CLIP1: variants seen among roughly 807,000 people sequenced by gnomAD.
CLIP1 encodes the protein CAP-Gly domain containing linker protein 1, also known as CAP-Gly domain-containing linker protein 1.
CLIP1 carries 66 observed loss-of-function variants against 161.6 expected under a neutral mutation model. The observed-to-expected ratio is 0.41, with a 90% CI of 0.33 to 0.50. The LOEUF (loss-of-function observed/expected upper bound fraction) is 0.50, where lower values mean the gene tolerates loss of function less well. Ranked by LOEUF, CLIP1 falls within the 20% of genes least tolerant of loss-of-function variation. The pLI is 0.27. For synonymous variants in CLIP1, 598 were observed against 626.2 expected, an observed-to-expected ratio of 0.96 and a Z score of 0.67; for missense variants, 1,376 against 1,702.0, an observed-to-expected ratio of 0.81 and a Z score of 3.37.
chr12:122,351,132 C>G lies in CLIP1; in HGVS notation c.1380G>C (p.Gln460His), dbSNP rs866974585. The G allele has an allele frequency of 2.0e-6, 3 of 1,515,668 alleles. No individual in the cohort carries two copies. Among genetic ancestry groups the G allele is most frequent in the African/African-American group, 1.4e-5 (1 of 71,964 alleles). The allele number at this position is 1,515,668 out of a possible 1,614,324, so 93.9% of individuals were successfully genotyped here. A position where few individuals can be genotyped will look rare whatever the true frequency, so the allele number is the denominator to read the frequency against. Residue 460 changes from glutamine to histidine, a missense_variant, in exon 9 of 26, where the codon CAG (glutamine) becomes CAC (histidine). Gln to His is a conservative substitution (Grantham distance 24). This residue lies in a region of CLIP1 where 948 missense variants were observed against 1,134.8 expected (regional missense o/e 0.84). Transcript: ENST00000620786. ...ITKGDLEQKS[Q>H]ISEDPENTQT... ...TTACATTCTCAGGATCTTCAGAAAT[C>G]TGGCTCTTTTGCTATCAGTAAAAAA...
chr12:122,339,482 C>T (rs1009907413), intron 11 of CLIP1, among the ~76,000 whole-genome samples: 54 of 152,104 alleles, frequency 3.6e-4, no homozygotes, highest in Admixed American at 2.7e-3. Flanking sequence ...GGACTACAGA[C>T]GCACACCACC....
intron 1 of CLIP1, among the ~76,000 whole-genome samples, chr12:122,390,169 T>G (rs1955534135): frequency 4.1e-5 from 1 of 24,632 alleles, no homozygotes; most frequent in African/African-American, 1.1e-4. Flanking sequence ...TTACACAGTC[T>G]CAGATATATA....
intron 20 of CLIP1, among the ~76,000 whole-genome samples, chr12:122,301,410 C>T (rs1950673071): frequency 6.6e-6 from 1 of 152,192 alleles, no homozygotes; most frequent in African/African-American, 2.4e-5. Context: ...GCGGCTCATG[C>T]CTATAATCCC....
At chr12:122,314,234 T>G (rs1381719661) in intron 19 of CLIP1, among the ~76,000 whole-genome samples, 1 of 141,358 alleles carries the variant, frequency 7.1e-6, no homozygotes, top group East Asian at 2.0e-4. Flanking sequence ...GAGGTTGCAG[T>G]GAGCCGAGAC....
chr12:122,351,139 T>C lies in CLIP1; in HGVS notation c.1373A>G (p.Lys458Arg). Residue 458 changes from lysine to arginine, a missense_variant, in exon 9 of 26, where the codon AAG (lysine) becomes AGG (arginine). By Grantham distance (26) the Lys-to-Arg change is conservative. This residue lies in a region of CLIP1 where 948 missense variants were observed against 1,134.8 expected (regional missense o/e 0.84). Coordinates refer to ENST00000620786, the MANE Select transcript of CLIP1 (RefSeq NM_001247997.2). ...CTCAGGATCTTCAGAAATCTGGCTC[T>C]TTTGCTATCAGTAAAAAAATAAAAA... ...ESITKGDLEQ[K>R]SQISEDPENT... is the part of the protein sequence containing the mutation. 6.7e-7 allele frequency: 1 copy of C among 1,503,408 alleles called. No individual in the cohort carries two copies. The highest frequency in any genetic ancestry group is 2.3e-5 in the East Asian group (1 of 43,236). 93.1% of individuals were successfully genotyped at this position (1,503,408 alleles called of 1,614,324 possible). A position where few individuals can be genotyped will look rare whatever the true frequency, so the allele number is the denominator to read the frequency against.
In CLIP1 at chr12:122,341,702, T is replaced by TAAC. The variant is rs765132167; in HGVS notation, c.1507-8_1507-6dup. The TAAC allele has an allele frequency of 7.0e-7, 1 of 1,434,500 alleles. No homozygotes were observed. Among genetic ancestry groups the TAAC allele is most frequent in the Admixed American group, 2.2e-5 (1 of 44,804 alleles). 88.9% of individuals were successfully genotyped at this position (1,434,500 alleles called of 1,614,324 possible). ...CTTTTCTGAAACTGTAGCCACCTAT[T>TAAC]AACAGCAGTCCAAAGAAAAAAAGAT... On this transcript the variant is annotated splice_region_variant and splice_polypyrimidine_tract_variant and intron_variant, in intron 10 of 25. Transcript: ENST00000620786.
intron 11 of CLIP1, among the ~76,000 whole-genome samples, chr12:122,337,533 C>T (rs1952287800): frequency 6.6e-6 from 1 of 151,790 alleles, no homozygotes; most frequent in South Asian, 2.1e-4. Context: ...AAGCAATCCT[C>T]TTATTTTGGA....
At chr12:122,273,562 C>A (rs961221389) in intron 25 of CLIP1, among the ~76,000 whole-genome samples, 3 of 151,640 alleles carry the variant, frequency 2.0e-5, no homozygotes, top group Non-Finnish European at 2.9e-5. Context: ...CATTTAAAAT[C>A]TTCATGTCAA....
intron 24 of CLIP1, chr12:122,277,888 T>TA (rs942968914): frequency 1.1e-5 from 5 of 441,746 alleles, no homozygotes; most frequent in East Asian, 3.9e-5. Context: ...ATACACACTT[T>TA]AAAAAATCTC....
intron 17 of CLIP1, among the ~76,000 whole-genome samples, chr12:122,321,044 A>AAATT (rs1951481447): frequency 6.6e-6 from 1 of 151,356 alleles, no homozygotes; most frequent in Non-Finnish European, 1.5e-5. Context: ...ATAAATAAAT[A>AAATT]AATAAATAAA....
At chr12:122,306,998 C>CT (rs56949793) in intron 20 of CLIP1, among the ~76,000 whole-genome samples, 4,675 of 80,962 alleles carry the variant, frequency 0.058, 1,163 homozygotes, top group African/African-American at 0.077. Flanking sequence ...GGTAAGTTCA[C>CT]TTTTTTTTTT....
At chr12:122,365,738 T>C in intron 3 of CLIP1, 1 of 628,982 alleles carries the variant, frequency 1.6e-6, no homozygotes, top group Non-Finnish European at 2.8e-6. Context: ...CTGGGCACAG[T>C]GGTTCATGCC....
intron 21 of CLIP1, among the ~76,000 whole-genome samples, chr12:122,287,080 C>A (rs934324723): frequency 1.3e-5 from 2 of 151,830 alleles, no homozygotes; most frequent in African/African-American, 4.8e-5. Flanking sequence ...GCTGAGAGGT[C>A]GGAAGATCAA....
intron 1 of CLIP1, among the ~76,000 whole-genome samples, chr12:122,398,261 CAAA>C (rs11324468): frequency 2.9e-5 from 3 of 103,310 alleles, no homozygotes; most frequent in Admixed American, 9.9e-5. Context: ...ACTGAAAATA[CAAA>C]AAAAAAAAAA....
intron 1 of CLIP1, among the ~76,000 whole-genome samples, chr12:122,384,427 G>A (rs1025180797): frequency 3.9e-5 from 6 of 152,068 alleles, no homozygotes; most frequent in Admixed American, 1.3e-4. Context: ...AGAGAATGAC[G>A]ATCTACAAGG....
Position 122,324,034 on chromosome 12 carries a change from T to C in CLIP1, c.3249+3913A>G, listed in dbSNP as rs534714252. 122 of 152,802 alleles carry C rather than the reference T, an allele frequency of 8.0e-4. 1 individual carries two copies. Among genetic ancestry groups the C allele is most frequent in the Middle Eastern group, 3.4e-3 (1 of 294 alleles). 9.5% of individuals were successfully genotyped at this position (152,802 alleles called of 1,614,324 possible). On this transcript the variant is annotated intron_variant, in intron 17 of 25. Transcript: ENST00000620786. ...TTTCCACATTTATCTTCAAGAGTTCTTCCTGTACAACATTGATTTCTTTAA... is the reference window on the plus strand; with the variant it reads ...TTTCCACATTTATCTTCAAGAGTTCCTCCTGTACAACATTGATTTCTTTAA...
In CLIP1 at chr12:122,357,939, A is replaced by G. The variant is rs943783968; in HGVS notation, c.1006-2627T>C. On this transcript the variant is annotated intron_variant, in intron 5 of 25. Coordinates refer to ENST00000620786, the MANE Select transcript of CLIP1 (RefSeq NM_001247997.2). Reference sequence around the variant, plus strand: ...GGCCACCACCCCGTCTGGGAGGTGTACCCAACAGCTCATTGAGAACGGGCC... The same window carrying G: ...GGCCACCACCCCGTCTGGGAGGTGTGCCCAACAGCTCATTGAGAACGGGCC... 6.6e-5 allele frequency among the ~76,000 whole-genome samples: 10 copies of G among 152,110 alleles called. 1 individual carries two copies. Among genetic ancestry groups the G allele is most frequent in the African/African-American group, 9.6e-5 (4 of 41,508 alleles).
intron 18 of CLIP1, among the ~76,000 whole-genome samples, chr12:122,318,627 A>ACCTAACCATTTTG (rs1951359343): frequency 6.6e-6 from 1 of 152,234 alleles, no homozygotes; most frequent in African/African-American, 2.4e-5. Flanking sequence ...TTGGTGCCTC[A>ACCTAACCATTTTG]GTCGGCTTAG....
Position 122,377,797 on chromosome 12 carries a change from T to C in CLIP1, c.249A>G (p.Ala83=), listed in dbSNP as rs2136791321. Residue 83 remains alanine, a synonymous_variant, in exon 3 of 26, where the codon GCA becomes GCG. Coordinates refer to ENST00000620786, the MANE Select transcript of CLIP1 (RefSeq NM_001247997.2). ...FIQFLGETQF[A]PGQWAGIVLD... Reference sequence around the variant, plus strand: ...AAACAATTCCAGCCCACTGGCCTGGTGCAAACTGGGTTTCTCCAAGAAACT... The same window carrying C: ...AAACAATTCCAGCCCACTGGCCTGGCGCAAACTGGGTTTCTCCAAGAAACT... 1.9e-6 allele frequency: 3 copies of C among 1,614,000 alleles called. No homozygotes were observed. The highest frequency in any genetic ancestry group is 2.5e-6 in the Non-Finnish European group (3 of 1,179,988).
Sources: gnomAD v4.1 joint callset for allele counts (sites outside exome capture counted in the v4.1 genomes callset) on GRCh38, gnomAD v4.1.1 for gene constraint, gnomAD v4.1.1 regional missense constraint, MANE v1.5 for transcripts, NCBI Gene and HGNC (gene_info 2026-07-23, HGNC 2026-07-21) for gene names.